ROS1: variants seen among roughly 807,000 people sequenced by gnomAD.
ROS1 encodes the protein proto-oncogene tyrosine-protein kinase ROS.
Under a neutral mutation model 273.5 loss-of-function variants are expected in ROS1, and 263 were observed. The ratio of observed to expected loss-of-function variants is 0.96; its 90% CI spans 0.87 to 1.06. The LOEUF (loss-of-function observed/expected upper bound fraction) is 1.06. Among genes scored for constraint, ROS1 ranks in the 50% least tolerant of loss-of-function variants. ROS1 has a pLI of 0.00. For synonymous variants in ROS1, 1,008 were observed against 954.1 expected, an observed-to-expected ratio of 1.06 and a Z score of -1.04; for missense variants, 2,833 against 2,751.1, an observed-to-expected ratio of 1.03 and a Z score of -0.67.
At chr6:117,414,237 C>T (rs1775161506) in intron 4 of ROS1, among the ~76,000 whole-genome samples, 2 of 152,048 alleles carry the variant, frequency 1.3e-5, no homozygotes, top group African/African-American at 4.8e-5. Context: ...TATAACCTCC[C>T]AAACCAGATT....
intron 39 of ROS1, among the ~76,000 whole-genome samples, chr6:117,312,563 C>T (rs945329857): frequency 6.6e-6 from 1 of 152,120 alleles, no homozygotes; most frequent in Non-Finnish European, 1.5e-5. Flanking sequence ...CTTGACAAAA[C>T]CTACTCTACC....
chr6:117,351,298 C>A (rs193241153), intron 27 of ROS1, among the ~76,000 whole-genome samples: 1 of 152,104 alleles, frequency 6.6e-6, no homozygotes, highest in Non-Finnish European at 1.5e-5. Flanking sequence ...TTCTCTTTAC[C>A]CAGGTCAATT....
At chr6:117,348,597 C>T (rs951810243) in intron 27 of ROS1, among the ~76,000 whole-genome samples, 10 of 151,682 alleles carry the variant, frequency 6.6e-5, no homozygotes, top group East Asian at 1.9e-4. Context: ...TACTATACTT[C>T]CTTTTTATTT....
At chr6:117,312,469 C>T (rs1388623306) in intron 39 of ROS1, among the ~76,000 whole-genome samples, 5 of 152,124 alleles carry the variant, frequency 3.3e-5, no homozygotes, top group African/African-American at 1.2e-4. Flanking sequence ...TCCTCCAACC[C>T]TATTATCATG....
At chr6:117,417,052 G>T (rs905491268) in intron 2 of ROS1, among the ~76,000 whole-genome samples, 1 of 151,834 alleles carries the variant, frequency 6.6e-6, no homozygotes, top group South Asian at 2.1e-4. Flanking sequence ...CTCCCGGAGC[G>T]AGTTCATCCC....
intron 32 of ROS1, among the ~76,000 whole-genome samples, chr6:117,333,994 G>A (rs908257135): frequency 2.0e-5 from 3 of 152,114 alleles, no homozygotes; most frequent in Non-Finnish European, 4.4e-5. Flanking sequence ...GTTCTGGTCA[G>A]GGCAATCAGG....
At chr6:117,419,491 AAAG>A (rs1298900756) in intron 1 of ROS1, among the ~76,000 whole-genome samples, 2 of 152,204 alleles carry the variant, frequency 1.3e-5, no homozygotes, top group Admixed American at 6.5e-5. Context: ...ATTTGTAGGA[AAAG>A]AAGAAGGATG....
chr6:117,332,027 T>G (rs1200256815), intron 32 of ROS1, among the ~76,000 whole-genome samples: 1 of 152,122 alleles, frequency 6.6e-6, no homozygotes. Context: ...ATGCCCCAAT[T>G]AAAAGATACA....
chr6:117,324,955 C>CATAGCTAATAACA (rs1449018095), intron 34 of ROS1, among the ~76,000 whole-genome samples: 17 of 151,822 alleles, frequency 1.1e-4, no homozygotes, highest in Non-Finnish European at 2.1e-4. Context: ...ATAAGTTTTA[C>CATAGCTAATAACA]CTTTGTAAAG....
intron 32 of ROS1, among the ~76,000 whole-genome samples, chr6:117,330,073 TG>T (rs776485465): frequency 6.6e-5 from 10 of 152,182 alleles, no homozygotes; most frequent in Non-Finnish European, 1.5e-4. Flanking sequence ...CTAATCTCCC[TG>T]GGCGGCGGGG....
chr6:117,366,348 A>ATGCAAGT, intron 18 of ROS1, 58 bp from the exon 19 acceptor site: 1 of 1,193,532 alleles, frequency 8.4e-7, no homozygotes. Flanking sequence ...GGGCTGGTCC[A>ATGCAAGT]TGCAAGTAGT....
At chr6:117,339,964 A>C (rs140944636) in intron 31 of ROS1, among the ~76,000 whole-genome samples, 1 of 152,084 alleles carries the variant, frequency 6.6e-6, no homozygotes, top group Non-Finnish European at 1.5e-5. Context: ...ATTTCTGATC[A>C]ATAAAATGAG....
In ROS1 at chr6:117,288,630, C is replaced by G. The variant is rs548138901; in HGVS notation, c.6888G>C (p.Leu2296=). 1.2e-6 allele frequency: 2 copies of G among 1,614,156 alleles called. No homozygotes were observed. Among genetic ancestry groups the G allele is most frequent in the East Asian group, 2.2e-5 (1 of 44,862 alleles). Residue 2296 remains leucine, a synonymous_variant, in exon 44 of 44, where the codon CTG becomes CTC. Transcript: ENST00000368507. ...LGSQESESCG[L]RKEEKEPHAD... ...CATGTGGTTCCTTCTCTTCTTTCCTCAGACCACAAGATTCAGATTCCTGGG... is the reference window on the plus strand; with the variant it reads ...CATGTGGTTCCTTCTCTTCTTTCCTGAGACCACAAGATTCAGATTCCTGGG...
chr6:117,365,273 T>C, intron 20 of ROS1, 69 bp from the exon 21 acceptor site: 1 of 1,444,628 alleles, frequency 6.9e-7, no homozygotes, highest in Middle Eastern at 2.4e-4. Context: ...CCTTATTATC[T>C]AAAATCTCCA....
intron 14 of ROS1, among the ~76,000 whole-genome samples, chr6:117,387,248 T>A (rs1390348362): frequency 6.6e-6 from 1 of 152,244 alleles, no homozygotes; most frequent in Admixed American, 6.5e-5. Flanking sequence ...ATGGTGAGAT[T>A]GCCTCTATAA....
chr6:117,348,644 G>C (rs1271019884), intron 27 of ROS1, among the ~76,000 whole-genome samples: 1 of 150,646 alleles, frequency 6.6e-6, no homozygotes, highest in Admixed American at 6.6e-5. Flanking sequence ...ATTATTATTT[G>C]GGACTTAATT....
chr6:117,322,850 A>G (rs940306983), intron 35 of ROS1, among the ~76,000 whole-genome samples: 18 of 152,192 alleles, frequency 1.2e-4, no homozygotes, highest in African/African-American at 4.1e-4. Flanking sequence ...AAACAGAATA[A>G]AGACCTTTAA....
At chr6:117,356,306 A>T (rs1779298108) in intron 26 of ROS1, among the ~76,000 whole-genome samples, 1 of 152,220 alleles carries the variant, frequency 6.6e-6, no homozygotes, top group African/African-American at 2.4e-5. Flanking sequence ...TGAGGATATT[A>T]GTACCTACTG....
At chr6:117,344,540 T>C (rs1778214464) in intron 27 of ROS1, among the ~76,000 whole-genome samples, 1 of 152,194 alleles carries the variant, frequency 6.6e-6, no homozygotes, top group Non-Finnish European at 1.5e-5. Flanking sequence ...ATATCTGATA[T>C]TGTTCAGGGC....
Sources: gnomAD v4.1 joint callset for allele counts (sites outside exome capture counted in the v4.1 genomes callset) on GRCh38, gnomAD v4.1.1 for gene constraint, MANE v1.5 for transcripts, NCBI Gene and HGNC (gene_info 2026-07-23, HGNC 2026-07-21) for gene names.